ABLIM3: variants seen among roughly 807,000 people sequenced by gnomAD.
ABLIM3 encodes actin-binding LIM protein 3.
In ABLIM3, 61 loss-of-function variants were observed where a neutral mutation model predicts 109.5. The observed-to-expected ratio is 0.56, with a 90% CI of 0.45 to 0.69. The LOEUF is 0.69. Ranked by LOEUF, ABLIM3 falls within the 30% of genes least tolerant of loss-of-function variation. ABLIM3 has a pLI of 0.00. For synonymous variants in ABLIM3, 300 were observed against 324.8 expected (o/e 0.92, Z 0.82); for missense variants, 796 against 889.5 (o/e 0.89, Z 1.34).
rs1263791872 is a variant in ABLIM3 at position 149,252,497 on chromosome 5, C to G, written c.1858-260C>G. On this transcript the variant is annotated intron_variant, in intron 22 of 23. Coordinates refer to ENST00000309868, the MANE Select transcript of ABLIM3 (RefSeq NM_014945.5). ...CACTTACATTCGGGAGGTCATGTGC[C>G]CATATTATTCCATGGGCACATGGCA... 4 of 550,212 alleles carry G rather than the reference C, an allele frequency of 7.3e-6. No homozygotes were observed. The East Asian group carries it at 1.2e-4, about 16-fold the overall frequency. The allele number at this position is 550,212 out of a possible 1,614,324, so 34.1% of individuals were successfully genotyped here.
chr5:149,206,675 CA>C (rs1759006633), intron 5 of ABLIM3, among the ~76,000 whole-genome samples: 1 of 152,152 alleles, frequency 6.6e-6, no homozygotes, highest in South Asian at 2.1e-4. Context: ...GCTGACGCTG[CA>C]GATGGCAAGG....
Position 149,249,792 on chromosome 5 carries a change from CCTT to C in ABLIM3, c.1700-21_1700-19del. On this transcript the variant is annotated intron_variant, in intron 18 of 23. Transcript: ENST00000309868. The stretch of plus-strand genomic sequence containing the variant: ...GTTTGTCTTTCCTCATGAGCAATGA[CCTT>C]CAGCTTTTCTCTCCTGCAGCCCCTC... 1 of 1,614,126 alleles carries C rather than the reference CCTT, an allele frequency of 6.2e-7. No homozygotes were observed. The highest frequency in any genetic ancestry group is 8.5e-7 in the Non-Finnish European group (1 of 1,179,958).
chr5:149,253,214 C>T (rs1754109276), intron 23 of ABLIM3, among the ~76,000 whole-genome samples: 1 of 152,250 alleles, frequency 6.6e-6, no homozygotes, highest in Non-Finnish European at 1.5e-5. Flanking sequence ...GATTTGCTCC[C>T]TGCCCCCAAG....
chr5:149,214,395 C>T (rs2963489), intron 7 of ABLIM3, among the ~76,000 whole-genome samples: 74,358 of 152,062 alleles, frequency 0.49, 18,831 homozygotes, highest in East Asian at 0.62. Context: ...TCAGCCGGCA[C>T]GCCCGGTGGA....
At chr5:149,150,385 A>T (rs962003462) in intron 2 of ABLIM3, among the ~76,000 whole-genome samples, 21 of 152,258 alleles carry the variant, frequency 1.4e-4, no homozygotes, top group African/African-American at 5.1e-4. Flanking sequence ...CCACAAGGAT[A>T]GAGATTGTTT....
intron 5 of ABLIM3, among the ~76,000 whole-genome samples, chr5:149,201,200 GT>G (rs35369976): frequency 0.33 from 49,611 of 151,954 alleles, 8,312 homozygotes; most frequent in East Asian, 0.52. Flanking sequence ...CTAAATCACT[GT>G]TCCCAGATGC....
At chr5:149,254,572 C>A (rs150821413) in intron 23 of ABLIM3, among the ~76,000 whole-genome samples, 5 of 152,064 alleles carry the variant, frequency 3.3e-5, no homozygotes, top group Non-Finnish European at 5.9e-5. Context: ...CCAGGGTAGA[C>A]GGTTGGGGCA....
chr5:149,219,962 G>T (rs1268234873), intron 8 of ABLIM3: 1 of 140,472 alleles, frequency 7.1e-6, no homozygotes, highest in Non-Finnish European at 1.5e-5. Flanking sequence ...AGTGCCTCAG[G>T]GGGGATCCTG....
At position 149,200,461 on chromosome 5, in the gene ABLIM3, T is replaced by C. The variant is rs1581114500; in HGVS notation, c.448+33T>C. ...CTCCCCACGGGTATCTCCCTGTCCATGGGTGTGATCTCTCTGGGCTCCCCT... is the reference window on the plus strand; with the variant it reads ...CTCCCCACGGGTATCTCCCTGTCCACGGGTGTGATCTCTCTGGGCTCCCCT... On this transcript the variant is annotated intron_variant, in intron 5 of 23. Transcript: ENST00000309868. The C allele has an allele frequency of 1.9e-6, 3 of 1,598,676 alleles. No individual in the cohort carries two copies. In the East Asian group the frequency reaches 6.7e-5, roughly 36 times the overall value.
At chr5:149,182,497 C>G (rs4320247) in intron 2 of ABLIM3, among the ~76,000 whole-genome samples, 1 of 152,114 alleles carries the variant, frequency 6.6e-6, no homozygotes, top group East Asian at 1.9e-4. Context: ...AGACAGCTAC[C>G]AACATTCCTT....
In ABLIM3 at chr5:149,259,532, GC is replaced by G; in HGVS notation, c.*1130del. On this transcript the variant is annotated 3_prime_UTR_variant, in exon 24 of 24. Transcript: ENST00000309868. ...GTCCTCGGCTCCTGCTGCAAAGTTG[GC>G]CATGTTTCACAGGGAAACTTTTGGA... 1 of 1,536,252 alleles carries G rather than the reference GC, an allele frequency of 6.5e-7. No homozygotes were observed. The highest frequency in any genetic ancestry group is 8.7e-7 in the Non-Finnish European group (1 of 1,146,940).
intron 6 of ABLIM3, among the ~76,000 whole-genome samples, chr5:149,209,144 G>T (rs1459570769): frequency 6.6e-6 from 1 of 152,162 alleles, no homozygotes; most frequent in East Asian, 1.9e-4. Flanking sequence ...CACCAAGCAA[G>T]GAGTGCCCTT....
At chr5:149,201,289 C>T (rs974546629) in intron 5 of ABLIM3, among the ~76,000 whole-genome samples, 3 of 152,164 alleles carry the variant, frequency 2.0e-5, no homozygotes, top group African/African-American at 7.2e-5. Flanking sequence ...ACACTAGGCT[C>T]CAGTGTTCTT....
At chr5:149,203,572 T>C (rs540932357) in intron 5 of ABLIM3, among the ~76,000 whole-genome samples, 2 of 152,118 alleles carry the variant, frequency 1.3e-5, no homozygotes, top group East Asian at 3.9e-4. Context: ...ATCACCATTA[T>C]GAACAACACC....
intron 3 of ABLIM3, among the ~76,000 whole-genome samples, chr5:149,186,847 CA>C (rs143439412): frequency 0.054 from 7,662 of 143,134 alleles, 565 homozygotes; most frequent in African/African-American, 0.18. Context: ...AAAATATGAG[CA>C]AAAAAAAAAC....
chr5:149,250,908 G>A (rs1370012720), intron 20 of ABLIM3, among the ~76,000 whole-genome samples: 1 of 152,170 alleles, frequency 6.6e-6, no homozygotes, highest in African/African-American at 2.4e-5. Flanking sequence ...TTCAAGCCCA[G>A]GCCAGCTGAT....
At chr5:149,214,697 T>C (rs1373056232) in intron 7 of ABLIM3, among the ~76,000 whole-genome samples, 2 of 152,192 alleles carry the variant, frequency 1.3e-5, no homozygotes, top group Non-Finnish European at 1.5e-5. Context: ...AAGTTGTTTC[T>C]CCTTCTCTTC....
chr5:149,232,625 C>T (rs1464816771), intron 9 of ABLIM3, among the ~76,000 whole-genome samples: 5 of 152,340 alleles, frequency 3.3e-5, no homozygotes, highest in Middle Eastern at 3.4e-3. Context: ...ATGCCTAAGA[C>T]CACATACTTC....
intron 9 of ABLIM3, among the ~76,000 whole-genome samples, 183 bp from the exon 10 acceptor site, chr5:149,233,046 A>G (rs1445024633): frequency 2.0e-5 from 3 of 152,212 alleles, no homozygotes; most frequent in Admixed American, 6.5e-5. Flanking sequence ...AAGTCCTTGC[A>G]TTTTTGGTCG....
Sources: allele counts gnomAD v4.1 joint callset (sites outside exome capture counted in the v4.1 genomes callset), GRCh38; gene constraint gnomAD v4.1.1; transcripts MANE v1.5; gene names NCBI Gene and HGNC (gene_info 2026-07-23, HGNC 2026-07-21).